Variants in RABGAP1 observed in about 807,000 individuals in gnomAD.
The protein encoded by RABGAP1 is RAB GTPase activating protein 1.
In RABGAP1, 23 loss-of-function variants were observed where a neutral mutation model predicts 137.6. That is an observed-to-expected ratio of 0.17 (90% CI 0.12 to 0.24). The LOEUF (loss-of-function observed/expected upper bound fraction) is 0.24, where lower values mean the gene tolerates loss of function less well. Among genes scored for constraint, RABGAP1 ranks in the 10% least tolerant of loss-of-function variants. The pLI is 1.00. For synonymous variants in RABGAP1, 451 were observed against 450.7 expected (o/e 1.00, Z -0.01); for missense variants, 906 against 1,275.8 (o/e 0.71, Z 4.42).
At chr9:123,095,392 A>G (rs2035152155) in intron 21 of RABGAP1, among the ~76,000 whole-genome samples, 1 of 152,110 alleles carries the variant, frequency 6.6e-6, no homozygotes, top group South Asian at 2.1e-4. Context: ...TTCTTTTCTA[A>G]AATAAGCATT....
At chr9:123,098,894 A>G (rs542094473) in intron 23 of RABGAP1, 96 bp downstream of exon 23, 59 of 631,222 alleles carry the variant, frequency 9.3e-5, no homozygotes, top group Admixed American at 2.9e-5. Context: ...CCCAAATGCA[A>G]GCACCCTGGT....
In RABGAP1 at chr9:123,053,346, T is replaced by C. The variant is rs562012180; in HGVS notation, c.1795-12002T>C. ...TTGCTCAGTTCTACTTCCAAACATA[T>C]GAAATGAAATGACAAATGACATGAG... On this transcript the variant is annotated intron_variant, in intron 13 of 25. Coordinates refer to ENST00000373647, the MANE Select transcript of RABGAP1 (RefSeq NM_012197.4). 7.9e-5 allele frequency among the ~76,000 whole-genome samples: 12 copies of C among 152,322 alleles called. No individual in the cohort carries two copies. The South Asian group carries it at 1.9e-3, about 24-fold the overall frequency.
chr9:123,098,173 G>C (rs1054795659), intron 22 of RABGAP1, among the ~76,000 whole-genome samples: 10 of 152,226 alleles, frequency 6.6e-5, no homozygotes, highest in Non-Finnish European at 4.4e-5. Flanking sequence ...GTCCTCTGCT[G>C]TCTCCCTCAT....
intron 13 of RABGAP1, among the ~76,000 whole-genome samples, chr9:123,049,076 T>G (rs1463024709): frequency 1.3e-5 from 2 of 152,254 alleles, no homozygotes; most frequent in Non-Finnish European, 2.9e-5. Context: ...AATATTTCAT[T>G]AAATAAAGAG....
rs539885069 is a variant in RABGAP1 at position 123,015,655 on chromosome 9, GT to G, written c.1643+27del. 739 of 1,541,512 alleles carry G rather than the reference GT, an allele frequency of 4.8e-4. 1 individual carries two copies. The highest frequency in any genetic ancestry group is 8.1e-4 in the Admixed American group (47 of 57,764). On this transcript the variant is annotated intron_variant, in intron 12 of 25. Coordinates refer to ENST00000373647, the MANE Select transcript of RABGAP1 (RefSeq NM_012197.4). ...CAAAATGGTAAGTTATGATAGAATA[GT>G]TTTTTTTATCTGCAATTTTCATTTT...
chr9:122,983,184 A>G (rs1253082402), intron 2 of RABGAP1, among the ~76,000 whole-genome samples: 2 of 152,084 alleles, frequency 1.3e-5, no homozygotes, highest in African/African-American at 4.8e-5. Context: ...AAAAAAACAA[A>G]AACTTTTTAA....
At chr9:123,103,047 T>C (rs752223547) in intron 25 of RABGAP1, 44 bp from the exon 26 acceptor site, 9 of 1,599,786 alleles carry the variant, frequency 5.6e-6, no homozygotes, top group Non-Finnish European at 7.7e-6. Flanking sequence ...CCAGTGTCAT[T>C]GACACCAAGC....
chr9:123,002,192 T>C (rs1040763055), intron 10 of RABGAP1, among the ~76,000 whole-genome samples: 1 of 151,818 alleles, frequency 6.6e-6, no homozygotes. Context: ...TCCCAGCTAC[T>C]TGGGAGGCTG....
chr9:122,942,015 T>C (rs1476725466), intron 1 of RABGAP1, among the ~76,000 whole-genome samples: 1 of 152,262 alleles, frequency 6.6e-6, no homozygotes, highest in Non-Finnish European at 1.5e-5. Flanking sequence ...CTTTTGACTT[T>C]CGTTGGCTTT....
intron 1 of RABGAP1, among the ~76,000 whole-genome samples, chr9:122,949,687 C>A (rs1176649404): frequency 2.7e-5 from 3 of 109,548 alleles, no homozygotes; most frequent in African/African-American, 1.3e-4. Flanking sequence ...AAGCAAGACT[C>A]TGTCTCAAAA....
chr9:123,059,217 T>A (rs1236167081), intron 13 of RABGAP1, among the ~76,000 whole-genome samples: 4 of 152,040 alleles, frequency 2.6e-5, no homozygotes, highest in Non-Finnish European at 5.9e-5. Flanking sequence ...GGAAGATCAG[T>A]GTTATGGTCT....
intron 13 of RABGAP1, among the ~76,000 whole-genome samples, chr9:123,027,518 G>T (rs761610442): frequency 1.3e-5 from 2 of 152,178 alleles, no homozygotes; most frequent in African/African-American, 4.8e-5. Flanking sequence ...TTATTACTAC[G>T]CAGATTGTTT....
intron 11 of RABGAP1, 53 bp downstream of exon 11, chr9:123,010,581 C>G (rs2030721430): frequency 2.0e-6 from 3 of 1,496,450 alleles, no homozygotes; most frequent in Non-Finnish European, 9.2e-7. Context: ...ACCATGCAAA[C>G]TATTAAAATC....
intron 12 of RABGAP1, among the ~76,000 whole-genome samples, chr9:123,020,008 A>G (rs1451305385): frequency 6.6e-6 from 1 of 150,442 alleles, no homozygotes; most frequent in African/African-American, 2.4e-5. Flanking sequence ...AACCATAGCC[A>G]TAGAGCTTCA....
chr9:122,956,765 G>C (rs569867698), intron 1 of RABGAP1, among the ~76,000 whole-genome samples: 7 of 152,114 alleles, frequency 4.6e-5, no homozygotes, highest in Admixed American at 2.0e-4. Context: ...AGTAGTTAGG[G>C]TTATCCTGAA....
At chr9:122,989,554 G>T (rs1417510213) in intron 5 of RABGAP1, 83 bp downstream of exon 5, 1 of 1,397,102 alleles carries the variant, frequency 7.2e-7, no homozygotes, top group Non-Finnish European at 1.0e-6. Context: ...TATTTATTAT[G>T]ATCACTCATA....
intron 2 of RABGAP1, among the ~76,000 whole-genome samples, chr9:122,960,171 G>A (rs1241604654): frequency 1.3e-5 from 2 of 152,156 alleles, no homozygotes; most frequent in African/African-American, 4.8e-5. Context: ...GAGGAAACTA[G>A]GGAAAGACAC....
Position 123,101,552 on chromosome 9 carries a change from A to C in RABGAP1, c.2890-14A>C. On this transcript the variant is annotated splice_polypyrimidine_tract_variant and intron_variant, in intron 24 of 25. Coordinates refer to ENST00000373647, the MANE Select transcript of RABGAP1 (RefSeq NM_012197.4). ...CCTCTTCTTTGCCTCTTCACATCTA[A>C]CATTCAATTTCAGCAAAAAGTGGAT... 3.7e-6 allele frequency: 6 copies of C among 1,611,590 alleles called. No homozygotes were observed. Among genetic ancestry groups the C allele is most frequent in the Non-Finnish European group, 5.1e-6 (6 of 1,178,466 alleles).
chr9:122,932,528 C>CTT, the RABGAP1 span, among the ~76,000 whole-genome samples: 1 of 150,018 alleles, frequency 6.7e-6, no homozygotes, highest in African/African-American at 2.5e-5. Flanking sequence ...ATTTCTTCTT[C>CTT]TTTTTTTTTC....
Sources: gnomAD v4.1 joint callset for allele counts (sites outside exome capture counted in the v4.1 genomes callset) on GRCh38, gnomAD v4.1.1 for gene constraint, MANE v1.5 for transcripts, NCBI Gene and HGNC (gene_info 2026-07-23, HGNC 2026-07-21) for gene names.